Variants in EYA4 observed in about 807,000 individuals in gnomAD.
The protein encoded by EYA4 is EYA transcriptional coactivator and phosphatase 4.
Under a neutral mutation model 87.9 loss-of-function variants are expected in EYA4, and 31 were observed. That is an observed-to-expected ratio of 0.35 (90% CI 0.27 to 0.48). The LOEUF (loss-of-function observed/expected upper bound fraction) is 0.48, where lower values mean the gene tolerates loss of function less well. Among genes scored for constraint, EYA4 ranks in the 20% least tolerant of loss-of-function variants. The probability of loss-of-function intolerance (pLI) is 0.99; values close to 1 mark genes in which losing one functional copy is unlikely to be tolerated. For missense variants in EYA4, 678 were observed against 761.4 expected (o/e 0.89, Z 1.29); for synonymous variants, 263 against 270.6 (o/e 0.97, Z 0.28).
chr6:133,515,662 T>G (rs1221126455), intron 17 of EYA4, among the ~76,000 whole-genome samples: 1 of 148,478 alleles, frequency 6.7e-6, no homozygotes, highest in African/African-American at 2.5e-5. Context: ...TGTGTTGGGA[T>G]GAGAGAAGGT....
At chr6:133,527,302 A>G (rs904494334) in intron 19 of EYA4, among the ~76,000 whole-genome samples, 1 of 152,194 alleles carries the variant, frequency 6.6e-6, no homozygotes, top group African/African-American at 2.4e-5. Flanking sequence ...TGTTACTTCT[A>G]TGTGAATTTC....
chr6:133,365,185 G>A (rs1292626471), intron 2 of EYA4, among the ~76,000 whole-genome samples: 1 of 152,124 alleles, frequency 6.6e-6, no homozygotes, highest in Non-Finnish European at 1.5e-5. Flanking sequence ...TGATCGCTTG[G>A]TTGGGTAAAC....
intron 3 of EYA4, among the ~76,000 whole-genome samples, chr6:133,389,150 T>C (rs1163770416): frequency 1.3e-5 from 2 of 152,134 alleles, no homozygotes; most frequent in African/African-American, 4.8e-5. Context: ...AGAGACAACT[T>C]AATGGTTATT....
intron 2 of EYA4, among the ~76,000 whole-genome samples, chr6:133,352,254 A>G (rs1783697613): frequency 6.6e-6 from 1 of 152,206 alleles, no homozygotes; most frequent in Admixed American, 6.5e-5. Context: ...CATATCACAT[A>G]CAATGTGATT....
intron 13 of EYA4, among the ~76,000 whole-genome samples, chr6:133,485,412 A>AG (rs1034200976): frequency 3.9e-5 from 6 of 152,168 alleles, no homozygotes; most frequent in African/African-American, 1.4e-4. Flanking sequence ...CACAGGATGA[A>AG]GGGGTAGGCT....
intron 1 of EYA4, among the ~76,000 whole-genome samples, chr6:133,259,255 A>G (rs1775597747): frequency 6.6e-6 from 1 of 152,202 alleles, no homozygotes; most frequent in Non-Finnish European, 1.5e-5. Context: ...ACTTGAGAGA[A>G]AAAGATTAGG....
intron 2 of EYA4, among the ~76,000 whole-genome samples, chr6:133,315,806 C>T (rs965659885): frequency 6.6e-6 from 1 of 152,218 alleles, no homozygotes; most frequent in South Asian, 2.1e-4. Flanking sequence ...ATTTTTCCAA[C>T]TGCTAAGATT....
chr6:133,510,031 T>A (rs1799007165), intron 14 of EYA4, among the ~76,000 whole-genome samples: 1 of 152,188 alleles, frequency 6.6e-6, no homozygotes, highest in Admixed American at 6.5e-5. Context: ...TAAAGAAAAG[T>A]TAAATTTGGA....
intron 2 of EYA4, among the ~76,000 whole-genome samples, chr6:133,376,906 A>G (rs78951037): frequency 0.015 from 2,215 of 152,104 alleles, 47 homozygotes; most frequent in African/African-American, 0.049. Context: ...TTGTGAAATA[A>G]GAGATGCATA....
intron 2 of EYA4, among the ~76,000 whole-genome samples, chr6:133,310,168 T>C (rs1780112323): frequency 6.6e-6 from 1 of 152,188 alleles, no homozygotes; most frequent in Admixed American, 6.5e-5. Context: ...TCCTGCCATA[T>C]AGGATGGTCA....
At chr6:133,399,458 A>T (rs1379923434) in intron 3 of EYA4, among the ~76,000 whole-genome samples, 1 of 152,206 alleles carries the variant, frequency 6.6e-6, no homozygotes, top group East Asian at 1.9e-4. Flanking sequence ...TTAGAGAGTT[A>T]AAAACAGGTT....
intron 3 of EYA4, among the ~76,000 whole-genome samples, chr6:133,415,139 G>T (rs929423488): frequency 6.6e-6 from 1 of 152,122 alleles, no homozygotes; most frequent in African/African-American, 2.4e-5. Flanking sequence ...TATCAAACCT[G>T]CCTCCTTTCT....
intron 13 of EYA4, among the ~76,000 whole-genome samples, chr6:133,501,703 G>A (rs1798128649): frequency 6.6e-6 from 1 of 151,986 alleles, no homozygotes; most frequent in Admixed American, 6.6e-5. Context: ...ATATGCTACG[G>A]GTCCCAAAAG....
chr6:133,519,207 A>G (rs2128801317), intron 17 of EYA4, among the ~76,000 whole-genome samples: 1 of 150,960 alleles, frequency 6.6e-6, no homozygotes, highest in South Asian at 2.1e-4. Context: ...TGAATCCAGG[A>G]GCTGGTTTTT....
chr6:133,330,549 T>TTATATATATA (rs1284047392), intron 2 of EYA4, among the ~76,000 whole-genome samples: 1 of 134,786 alleles, frequency 7.4e-6, no homozygotes, highest in Non-Finnish European at 1.5e-5. Context: ...ATACTGAGAT[T>TTATATATATA]TATATATATA....
chr6:133,325,482 T>C (rs1448636013), intron 2 of EYA4: 1 of 152,220 alleles, frequency 6.6e-6, no homozygotes, highest in African/African-American at 2.4e-5. Flanking sequence ...TATCATCTTA[T>C]TGGTGTAAAC....
At chr6:133,289,982 T>G (rs1046798038) in intron 2 of EYA4, among the ~76,000 whole-genome samples, 3 of 152,196 alleles carry the variant, frequency 2.0e-5, no homozygotes, top group African/African-American at 7.2e-5. Flanking sequence ...TTGCTTTCAT[T>G]ATTTTGCCTA....
Position 133,530,031 on chromosome 6 carries a change from A to G in EYA4, c.*1226A>G, listed in dbSNP as rs1045753265. On this transcript the variant is annotated 3_prime_UTR_variant, in exon 20 of 20. Coordinates refer to ENST00000355286, the MANE Select transcript of EYA4 (RefSeq NM_004100.5). The stretch of plus-strand genomic sequence containing the variant: ...GCTAAGTATGTTTATTCCCAATGCC[A>G]TGGCAAAAATGATAATATCATCAGA... 4.1e-6 allele frequency: 4 copies of G among 985,136 alleles called. No individual in the cohort carries two copies. The highest frequency in any genetic ancestry group is 4.8e-6 in the Non-Finnish European group (4 of 829,748). 61.0% of individuals were successfully genotyped at this position (985,136 alleles called of 1,614,324 possible).
intron 13 of EYA4, among the ~76,000 whole-genome samples, chr6:133,485,384 G>T (rs974070086): frequency 6.6e-6 from 1 of 152,110 alleles, no homozygotes; most frequent in African/African-American, 2.4e-5. Flanking sequence ...CTCATGATGC[G>T]CCAGGCAGGA....
Sources: gnomAD v4.1 joint callset for allele counts (sites outside exome capture counted in the v4.1 genomes callset) on GRCh38, gnomAD v4.1.1 for gene constraint, MANE v1.5 for transcripts, NCBI Gene and HGNC (gene_info 2026-07-23, HGNC 2026-07-21) for gene names.